Variants in TEAD1 observed in about 807,000 individuals in gnomAD.
The protein encoded by TEAD1 is transcriptional enhancer factor TEF-1.
A neutral mutation model predicts 54.9 loss-of-function variants in TEAD1; 9 were observed. The observed-to-expected ratio is 0.16, with a 90% CI of 0.10 to 0.29. The LOEUF is 0.29. Among genes scored for constraint, TEAD1 ranks in the 10% least tolerant of loss-of-function variants. The probability of loss-of-function intolerance (pLI) is 1.00; values close to 1 mark genes in which losing one functional copy is unlikely to be tolerated. For missense variants in TEAD1, 387 were observed against 535.9 expected, an observed-to-expected ratio of 0.72 and a Z score of 2.74; for synonymous variants, 200 against 187.8, an observed-to-expected ratio of 1.07 and a Z score of -0.53.
intron 3 of TEAD1, among the ~76,000 whole-genome samples, chr11:12,775,755 G>GA (rs1331946213): frequency 6.6e-5 from 10 of 152,168 alleles, no homozygotes; most frequent in Admixed American, 2.0e-4. Context: ...GATTATAGGA[G>GA]ACTCGGTTTC....
Position 12,741,275 on chromosome 11 carries a change from A to G in TEAD1, c.-54-22904A>G, listed in dbSNP as rs1011852851. Among the ~76,000 whole-genome samples the G allele has an allele frequency of 4.0e-5, 6 of 151,878 alleles. No homozygotes were observed. The South Asian group carries it at 1.2e-3, about 32-fold the overall frequency. On this transcript the variant is annotated intron_variant, in intron 2 of 12. Transcript: ENST00000527636. Reference sequence around the variant, plus strand: ...TTTAAGTCATTCTCTTCTTCATCATATTATAGTTGGTTTTATAATCTACAT... The same window carrying G: ...TTTAAGTCATTCTCTTCTTCATCATGTTATAGTTGGTTTTATAATCTACAT...
At chr11:12,768,997 G>T (rs140915517) in intron 3 of TEAD1, among the ~76,000 whole-genome samples, 2 of 152,128 alleles carry the variant, frequency 1.3e-5, no homozygotes, top group African/African-American at 2.4e-5. Flanking sequence ...GCCTGGCCTC[G>T]GTAGTGGCCA....
intron 10 of TEAD1, among the ~76,000 whole-genome samples, chr11:12,903,414 A>G (rs181628714): frequency 2.0e-4 from 30 of 152,306 alleles, no homozygotes; most frequent in African/African-American, 6.3e-4. Context: ...AGAAAAATTT[A>G]TGTTTTAGAT....
At chr11:12,710,598 T>C (rs1452800916) in intron 2 of TEAD1, among the ~76,000 whole-genome samples, 1 of 152,176 alleles carries the variant, frequency 6.6e-6, no homozygotes, top group African/African-American at 2.4e-5. Flanking sequence ...ATCTTTATTA[T>C]AATTTATTTA....
chr11:12,854,679 A>G (rs1030071636), intron 3 of TEAD1, among the ~76,000 whole-genome samples: 6 of 148,496 alleles, frequency 4.0e-5, no homozygotes, highest in Admixed American at 2.0e-4. Context: ...GCATGCTTGA[A>G]CTCCTGGGTT....
At chr11:12,897,791 G>A (rs1258313368) in intron 9 of TEAD1, among the ~76,000 whole-genome samples, 2 of 152,178 alleles carry the variant, frequency 1.3e-5, no homozygotes, top group Admixed American at 6.5e-5. Flanking sequence ...GTTTTAAAAC[G>A]CTGTTTAGTT....
rs543189767 is a variant in TEAD1 at position 12,760,651 on chromosome 11, G to A, written c.-54-3528G>A. On this transcript the variant is annotated intron_variant, in intron 2 of 12. Transcript: ENST00000527636. ...ATTTTAATATTGATTATAATCAAGT[G>A]CTTGTTGCTATAGATTCAGAATCGA... Among the ~76,000 whole-genome samples, 44 of 152,284 alleles carry A rather than the reference G, an allele frequency of 2.9e-4. 2 individuals are homozygous for A. The South Asian group carries it at 8.3e-3, about 29-fold the overall frequency.
intron 2 of TEAD1, among the ~76,000 whole-genome samples, chr11:12,743,232 C>A (rs936942661): frequency 6.6e-6 from 1 of 152,188 alleles, no homozygotes; most frequent in Non-Finnish European, 1.5e-5. Flanking sequence ...AGAGATCATA[C>A]TTCTAAATTC....
intron 10 of TEAD1, among the ~76,000 whole-genome samples, chr11:12,906,541 CAAAA>C (rs57220080): frequency 2.6e-4 from 37 of 143,114 alleles, no homozygotes; most frequent in East Asian, 6.3e-4. Flanking sequence ...GACTCCTTCT[CAAAA>C]AAAAAAAAAA....
intron 3 of TEAD1, among the ~76,000 whole-genome samples, chr11:12,768,962 T>C (rs1945261925): frequency 6.6e-6 from 1 of 152,094 alleles, no homozygotes; most frequent in Non-Finnish European, 1.5e-5. Flanking sequence ...TCAAATAACA[T>C]AGCGGAGAGG....
chr11:12,696,942 C>A (rs1349175081), intron 2 of TEAD1, among the ~76,000 whole-genome samples: 1 of 152,156 alleles, frequency 6.6e-6, no homozygotes, highest in African/African-American at 2.4e-5. Context: ...CCCACTTCCA[C>A]CCTGTCTCAG....
intron 2 of TEAD1, among the ~76,000 whole-genome samples, chr11:12,711,405 C>T (rs1943936782): frequency 6.6e-6 from 1 of 152,200 alleles, no homozygotes; most frequent in Non-Finnish European, 1.5e-5. Flanking sequence ...TTAGTAGTCA[C>T]CAGTGATGTC....
intron 10 of TEAD1, among the ~76,000 whole-genome samples, chr11:12,924,272 A>G (rs1258896726): frequency 6.6e-6 from 1 of 152,206 alleles, no homozygotes; most frequent in African/African-American, 2.4e-5. Context: ...AACTCTAAGT[A>G]TCTCTGACAT....
At chr11:12,689,715 TTAGTA>T (rs1162917501) in intron 2 of TEAD1, among the ~76,000 whole-genome samples, 4 of 152,168 alleles carry the variant, frequency 2.6e-5, no homozygotes, top group Non-Finnish European at 5.9e-5. Context: ...TTGGGAAAGT[TTAGTA>T]CAGTAGAGGG....
chr11:12,693,670 C>T (rs957885677), intron 2 of TEAD1, among the ~76,000 whole-genome samples: 5 of 152,158 alleles, frequency 3.3e-5, no homozygotes, highest in African/African-American at 7.2e-5. Context: ...TTCATTGTTT[C>T]GGTAACCGTT....
At chr11:12,878,636 T>A (rs1589951993) in intron 5 of TEAD1, among the ~76,000 whole-genome samples, 1 of 151,514 alleles carries the variant, frequency 6.6e-6, no homozygotes, top group Non-Finnish European at 1.5e-5. Context: ...AGGGGTAGTT[T>A]TTTATTGTTG....
intron 3 of TEAD1, among the ~76,000 whole-genome samples, chr11:12,844,912 C>T (rs1372829632): frequency 6.8e-6 from 1 of 146,560 alleles, no homozygotes; most frequent in Non-Finnish European, 1.5e-5. Flanking sequence ...AGGAAGTCAC[C>T]ATTATGGCTT....
intron 10 of TEAD1, among the ~76,000 whole-genome samples, chr11:12,914,917 A>T (rs1033553554): frequency 6.6e-6 from 1 of 152,250 alleles, no homozygotes; most frequent in African/African-American, 2.4e-5. Flanking sequence ...TACCATTGGA[A>T]AAAATTGCTT....
rs773842127 is a variant in TEAD1, at chr11:12,764,245, A to G, written c.13A>G (p.Ser5Gly). The change falls in exon 3 of 13, where the codon AGC becomes GGC. Residue 5 changes from serine (S) to glycine (G), a missense_variant. Transcript: ENST00000527636. Reference sequence around the variant, plus strand: ...TCCCACCGCCAAAATTGAGCCCAGCAGCTGGAGCGGCAGTGAGAGCCCTGC... The same window carrying G: ...TCCCACCGCCAAAATTGAGCCCAGCGGCTGGAGCGGCAGTGAGAGCCCTGC... 3 of 1,613,994 alleles carry G rather than the reference A, an allele frequency of 1.9e-6. No individual in the cohort carries two copies. In the African/African-American group the frequency reaches 4.0e-5, roughly 22 times the overall value.
Sources: allele counts gnomAD v4.1 joint callset (sites outside exome capture counted in the v4.1 genomes callset), GRCh38; gene constraint gnomAD v4.1.1; transcripts MANE v1.5; gene names NCBI Gene and HGNC (gene_info 2026-07-23, HGNC 2026-07-21).